The following JARID2 variants were observed in gnomAD, a reference collection of about 807,000 sequenced individuals.
The protein encoded by JARID2 is jumonji and AT-rich interaction domain containing 2.
In JARID2, 21 loss-of-function variants were observed where a neutral mutation model predicts 125.6. That is an observed-to-expected ratio of 0.17 (90% confidence interval 0.12 to 0.24). JARID2 has a LOEUF of 0.24. JARID2 is among the 10% of genes least tolerant of loss of function. The probability of loss-of-function intolerance (pLI) is 1.00; values close to 1 mark genes in which losing one functional copy is unlikely to be tolerated. For missense variants in JARID2, 1,303 were observed against 1,639.6 expected (o/e 0.79, Z 3.55); for synonymous variants, 736 against 661.6 (o/e 1.11, Z -1.73).
intron 4 of JARID2, among the ~76,000 whole-genome samples, chr6:15,455,060 G>T (rs1410630830): frequency 6.6e-6 from 1 of 152,078 alleles, no homozygotes; most frequent in East Asian, 1.9e-4. Flanking sequence ...AGCCGCGCTT[G>T]GTTGTGCCGT....
intron 1 of JARID2, among the ~76,000 whole-genome samples, chr6:15,340,600 T>TGA (rs1372704316): frequency 1.2e-4 from 19 of 152,226 alleles, no homozygotes; most frequent in African/African-American, 4.3e-4. Flanking sequence ...TATGAAACAA[T>TGA]ATATTGGGGC....
intron 1 of JARID2, among the ~76,000 whole-genome samples, chr6:15,264,766 T>C (rs1760020319): frequency 1.3e-5 from 2 of 152,190 alleles, no homozygotes; most frequent in South Asian, 4.1e-4. Context: ...CTATAACCTA[T>C]ACACATACTT....
chr6:15,327,198 A>T lies in JARID2; in HGVS notation c.46-46919A>T, dbSNP rs1237822043. Among the ~76,000 whole-genome samples the T allele has an allele frequency of 2.0e-5, 3 of 152,176 alleles. 1 individual carries two copies. Among genetic ancestry groups the T allele is most frequent in the African/African-American group, 4.8e-5 (2 of 41,510 alleles). On this transcript the variant is annotated intron_variant, in intron 1 of 17. Transcript: ENST00000341776. The stretch of plus-strand genomic sequence containing the variant: ...GGTTGGTGCTGTTTCTTTTTTAAAA[A>T]TTTGTTTTTTAAATAGACAAATAAA...
At chr6:15,462,836 G>A (rs1768517747) in intron 4 of JARID2, among the ~76,000 whole-genome samples, 1 of 152,194 alleles carries the variant, frequency 6.6e-6, no homozygotes. Context: ...TCATAGAGAA[G>A]AATCCAATTT....
intron 1 of JARID2, among the ~76,000 whole-genome samples, chr6:15,336,069 A>C (rs1762865582): frequency 6.6e-6 from 1 of 151,154 alleles, no homozygotes; most frequent in Non-Finnish European, 1.5e-5. Context: ...TGGGTGACAG[A>C]GACCCGTCTC....
chr6:15,381,120 G>C (rs908587509), intron 2 of JARID2, among the ~76,000 whole-genome samples: 2 of 151,538 alleles, frequency 1.3e-5, no homozygotes, highest in Non-Finnish European at 2.9e-5. Context: ...TTGGGGGGCC[G>C]AGGCGGGTGG....
intron 2 of JARID2, among the ~76,000 whole-genome samples, chr6:15,391,065 A>ACC (rs1401925918): frequency 1.3e-5 from 2 of 152,208 alleles, no homozygotes; most frequent in Admixed American, 1.3e-4. Flanking sequence ...TTGTAGATAT[A>ACC]CAGTACCCCG....
intron 2 of JARID2, among the ~76,000 whole-genome samples, chr6:15,402,144 A>G (rs1047250909): frequency 1.3e-5 from 2 of 152,106 alleles, no homozygotes; most frequent in African/African-American, 2.4e-5. Flanking sequence ...GTGGCTGTTT[A>G]TTTATCTACA....
chr6:15,485,156 G>A (rs781212040), intron 5 of JARID2, among the ~76,000 whole-genome samples: 5 of 152,104 alleles, frequency 3.3e-5, no homozygotes, highest in African/African-American at 4.8e-5. Flanking sequence ...GTGCAACGTC[G>A]GATTGTATCC....
chr6:15,327,942 C>T (rs899546285), intron 1 of JARID2, among the ~76,000 whole-genome samples: 22 of 152,120 alleles, frequency 1.4e-4, no homozygotes, highest in Non-Finnish European at 2.9e-5. Flanking sequence ...TATTTGTCTC[C>T]ACACACATTA....
intron 3 of JARID2, among the ~76,000 whole-genome samples, chr6:15,416,070 T>G (rs1427749646): frequency 6.7e-5 from 10 of 148,370 alleles, no homozygotes; most frequent in African/African-American, 2.3e-4. Flanking sequence ...GCAGAGGCGC[T>G]CCCCACATCT....
chr6:15,335,052 A>G (rs1762832547), intron 1 of JARID2, among the ~76,000 whole-genome samples: 1 of 152,036 alleles, frequency 6.6e-6, no homozygotes, highest in Non-Finnish European at 1.5e-5. Context: ...TGGAACTGGA[A>G]TGGGCCCCCA....
intron 4 of JARID2, among the ~76,000 whole-genome samples, chr6:15,461,802 A>C (rs181852668): frequency 6.6e-6 from 1 of 152,104 alleles, no homozygotes; most frequent in Non-Finnish European, 1.5e-5. Context: ...CTCGAGTCTC[A>C]TGGCAAGTAA....
At position 15,246,344 on chromosome 6, in the gene JARID2, C is replaced by CTT; in HGVS notation, c.-188_-187dup. ...TTGTTTGCTTCGTTCGTCTTTGGCT[C>CTT]TTTTTTTTTCCTTCCCAATTTCGGA... On this transcript the variant is annotated 5_prime_UTR_variant, in exon 1 of 18. Transcript: ENST00000341776. 1.8e-6 allele frequency: 1 copy of CTT among 563,726 alleles called. No individual in the cohort carries two copies. The highest frequency in any genetic ancestry group is 3.1e-6 in the Non-Finnish European group (1 of 320,612). 34.9% of individuals were successfully genotyped at this position (563,726 alleles called of 1,614,324 possible). A position where few individuals can be genotyped will look rare whatever the true frequency, so the allele number is the denominator to read the frequency against.
chr6:15,402,520 T>C (rs1765477990), intron 2 of JARID2, among the ~76,000 whole-genome samples: 1 of 152,186 alleles, frequency 6.6e-6, no homozygotes, highest in South Asian at 2.1e-4. Flanking sequence ...AACACAAGAC[T>C]TTCCACATGT....
chr6:15,480,847 G>A lies in JARID2; in HGVS notation c.671-6460G>A, dbSNP rs138352729. ...TCAAGAGTCTGTGCATGGAGTGAGG[G>A]TATTAAAAACCTTGCGATCAGTTTC... On this transcript the variant is annotated intron_variant, in intron 5 of 17. Transcript: ENST00000341776. Among the ~76,000 whole-genome samples, 4 of 152,160 alleles carry A rather than the reference G, an allele frequency of 2.6e-5. No individual in the cohort carries two copies. In the East Asian group the frequency reaches 7.7e-4, roughly 29 times the overall value.
chr6:15,334,133 G>A (rs1199883096), intron 1 of JARID2, among the ~76,000 whole-genome samples: 5 of 152,198 alleles, frequency 3.3e-5, no homozygotes, highest in Non-Finnish European at 5.9e-5. Flanking sequence ...ATCTGACAGC[G>A]TGAAGACACA....
chr6:15,320,592 A>C (rs181984440), intron 1 of JARID2, among the ~76,000 whole-genome samples: 6 of 152,202 alleles, frequency 3.9e-5, no homozygotes, highest in Non-Finnish European at 8.8e-5. Context: ...ATTCATTACA[A>C]TGCAGTTCTT....
intron 5 of JARID2, among the ~76,000 whole-genome samples, chr6:15,475,771 C>T (rs1438999327): frequency 6.6e-6 from 1 of 152,216 alleles, no homozygotes; most frequent in Non-Finnish European, 1.5e-5. Context: ...AGTCTTCCCT[C>T]CTCACACCTC....
Sources: allele counts gnomAD v4.1 joint callset (sites outside exome capture counted in the v4.1 genomes callset), GRCh38; gene constraint gnomAD v4.1.1; transcripts MANE v1.5; gene names NCBI Gene and HGNC (gene_info 2026-07-23, HGNC 2026-07-21).